SEMA5A: variants seen among roughly 807,000 people sequenced by gnomAD.
The protein encoded by SEMA5A is semaphorin-5A.
In SEMA5A, 55 loss-of-function variants were observed where a neutral mutation model predicts 135.5. The ratio of observed to expected loss-of-function variants is 0.41; its 90% confidence interval spans 0.33 to 0.51. The LOEUF (loss-of-function observed/expected upper bound fraction) is 0.51, where lower values mean the gene tolerates loss of function less well. SEMA5A is among the 20% of genes least tolerant of loss of function. The pLI is 0.37. For synonymous variants in SEMA5A, 580 were observed against 546.5 expected, an observed-to-expected ratio of 1.06 and a Z score of -0.85; for missense variants, 1,290 against 1,419.9, an observed-to-expected ratio of 0.91 and a Z score of 1.47.
chr5:9,304,370 A>C (rs891970402), intron 5 of SEMA5A, among the ~76,000 whole-genome samples: 1 of 152,138 alleles, frequency 6.6e-6, no homozygotes, highest in African/African-American at 2.4e-5. Context: ...CTATGAAAGA[A>C]CATATCCTTA....
At chr5:9,146,494 A>G (rs1314739389) in intron 12 of SEMA5A, among the ~76,000 whole-genome samples, 1 of 152,264 alleles carries the variant, frequency 6.6e-6, no homozygotes, top group African/African-American at 2.4e-5. Flanking sequence ...ATTGAAAATT[A>G]GAACACTGGT....
chr5:9,298,975 T>C (rs1235749672), intron 5 of SEMA5A, among the ~76,000 whole-genome samples: 1 of 152,222 alleles, frequency 6.6e-6, no homozygotes, highest in Non-Finnish European at 1.5e-5. Context: ...ATGGAGCTTT[T>C]AGGGGCATAA....
intron 16 of SEMA5A, among the ~76,000 whole-genome samples, chr5:9,089,764 T>C (rs1738931693): frequency 6.6e-6 from 1 of 152,188 alleles, no homozygotes; most frequent in Non-Finnish European, 1.5e-5. Flanking sequence ...TGATAATGTT[T>C]GTGGTAAGAT....
chr5:9,086,490 G>A (rs777885525), intron 16 of SEMA5A, among the ~76,000 whole-genome samples: 4 of 152,136 alleles, frequency 2.6e-5, no homozygotes, highest in Admixed American at 6.5e-5. Flanking sequence ...CTCTTCTCTT[G>A]TCTGCCGCCA....
rs1745873023 is a variant in SEMA5A, at chr5:9,204,039, C to T, written c.647-1799G>A. 6.6e-6 allele frequency among the ~76,000 whole-genome samples: 1 copy of T among 152,088 alleles called. No homozygotes were observed. The highest frequency in any genetic ancestry group is 2.4e-5 in the African/African-American group (1 of 41,400). ...TCCAAAACAGAATTACCTGATGAAG[C>T]AGGCCCCAAAAGCAAAGATACGGAA... On this transcript the variant is annotated intron_variant, in intron 8 of 22. Transcript: ENST00000382496. The surrounding 1 kb of genome is among the most constrained non-coding windows in gnomAD (Gnocchi z 6.4).
At chr5:9,235,799 A>G (rs1295499787) in intron 6 of SEMA5A, among the ~76,000 whole-genome samples, 1 of 152,210 alleles carries the variant, frequency 6.6e-6, no homozygotes, top group Non-Finnish European at 1.5e-5. Flanking sequence ...GAAGATAAAG[A>G]CAAGAAGAAA....
chr5:9,190,786 C>T (rs941134575), intron 10 of SEMA5A, among the ~76,000 whole-genome samples: 2 of 152,146 alleles, frequency 1.3e-5, no homozygotes, highest in African/African-American at 2.4e-5. Flanking sequence ...CCTTTCCCGT[C>T]GAGTTACTTG....
chr5:9,456,853 G>C lies in SEMA5A; in HGVS notation c.-174-19001C>G, dbSNP rs546832384. ...GAGGTGTTTAAATGACAACAGAGAG[G>C]CTGTCTTACCCAAGTAGAACAGGAT... On this transcript the variant is annotated intron_variant, in intron 1 of 22. Transcript: ENST00000382496. 2.6e-5 allele frequency among the ~76,000 whole-genome samples: 4 copies of C among 152,266 alleles called. No homozygotes were observed. In the South Asian group the frequency reaches 8.3e-4, roughly 32 times the overall value.
At chr5:9,537,697 C>T (rs569744870) in intron 1 of SEMA5A, among the ~76,000 whole-genome samples, 1 of 152,128 alleles carries the variant, frequency 6.6e-6, no homozygotes, top group African/African-American at 2.4e-5. Flanking sequence ...ATGACCCTGG[C>T]AAAAGGTCAA....
intron 5 of SEMA5A, among the ~76,000 whole-genome samples, chr5:9,269,048 C>CAAGA (rs1749832395): frequency 6.6e-6 from 1 of 152,092 alleles, no homozygotes; most frequent in Non-Finnish European, 1.5e-5. Context: ...GATCTATAGG[C>CAAGA]TGATAGAAAT....
rs565575279 is a variant in SEMA5A, at chr5:9,390,639, C to T, written c.-77-10616G>A. On this transcript the variant is annotated intron_variant, in intron 2 of 22. Coordinates refer to ENST00000382496, the MANE Select transcript of SEMA5A (RefSeq NM_003966.3). ...TCCAATGGATTAGACATGTCAATGC[C>T]GATACCTTTGAGTTAATTAGAGTTT... is the stretch of plus-strand genomic sequence containing the variant. Among the ~76,000 whole-genome samples the T allele has an allele frequency of 5.9e-5, 9 of 151,568 alleles. No homozygotes were observed. In the South Asian group the frequency reaches 1.3e-3, roughly 21 times the overall value.
At position 9,109,028 on chromosome 5, in the gene SEMA5A, A is replaced by ATTTTT. The variant is rs67762219; in HGVS notation, c.1926-746_1926-742dup. ...TCATGAGTCATATTATTTCTCTTCA[A>ATTTTT]TTTTTTTTTTTTTTTTTTTTTTTTT... On this transcript the variant is annotated intron_variant, in intron 15 of 22. Coordinates refer to ENST00000382496, the MANE Select transcript of SEMA5A (RefSeq NM_003966.3). Among the ~76,000 whole-genome samples the ATTTTT allele has an allele frequency of 3.4e-4, 31 of 92,444 alleles. 3 individuals carry two copies. Among genetic ancestry groups the ATTTTT allele is most frequent in the African/African-American group, 7.8e-4 (17 of 21,754 alleles). 60.6% of individuals were successfully genotyped at this position (92,444 alleles called of 152,430 possible). A position where few individuals can be genotyped will look rare whatever the true frequency, so the allele number is the denominator to read the frequency against.
At chr5:9,253,201 G>T (rs1442894293) in intron 5 of SEMA5A, among the ~76,000 whole-genome samples, 1 of 152,152 alleles carries the variant, frequency 6.6e-6, no homozygotes, top group Non-Finnish European at 1.5e-5. Flanking sequence ...TAACAGAGTT[G>T]TCTGCCTCAT....
intron 4 of SEMA5A, among the ~76,000 whole-genome samples, chr5:9,335,718 CT>C (rs977778310): frequency 6.6e-6 from 1 of 152,170 alleles, no homozygotes; most frequent in Non-Finnish European, 1.5e-5. Flanking sequence ...GGCTCATGCC[CT>C]TGCCAGATGT....
chr5:9,211,543 C>T (rs1806045), intron 8 of SEMA5A, among the ~76,000 whole-genome samples: 4,463 of 152,170 alleles, frequency 0.029, 234 homozygotes, highest in African/African-American at 0.1. Context: ...TCTCACTGTC[C>T]CCAGGTTGGA....
intron 5 of SEMA5A, among the ~76,000 whole-genome samples, chr5:9,308,958 T>C (rs1021264721): frequency 7.2e-5 from 11 of 152,140 alleles, no homozygotes; most frequent in Non-Finnish European, 1.5e-4. Flanking sequence ...ACAAATTAGG[T>C]CATTAAAGTT....
At chr5:9,077,565 C>G (rs1230553919) in intron 16 of SEMA5A, among the ~76,000 whole-genome samples, 2 of 152,212 alleles carry the variant, frequency 1.3e-5, no homozygotes, top group African/African-American at 4.8e-5. Context: ...CAGGTTTGCT[C>G]TAAGTAGCTA....
At chr5:9,180,074 GTGTTATCACA>G (rs1306323187) in intron 11 of SEMA5A, among the ~76,000 whole-genome samples, 1 of 152,132 alleles carries the variant, frequency 6.6e-6, no homozygotes, top group African/African-American at 2.4e-5. Flanking sequence ...ATCTCTGCCC[GTGTTATCACA>G]TGGCATTCTC....
intron 19 of SEMA5A, chr5:9,053,872 C>A (rs1037504680): frequency 2.1e-6 from 1 of 469,958 alleles, no homozygotes; most frequent in Non-Finnish European, 3.6e-6. Context: ...GGGCTAAAGG[C>A]TTTGAACACG....
Sources: allele counts gnomAD v4.1 joint callset (sites outside exome capture counted in the v4.1 genomes callset), GRCh38; gene constraint gnomAD v4.1.1; non-coding constraint Gnocchi (gnomAD v3.1); transcripts MANE v1.5; gene names NCBI Gene and HGNC (gene_info 2026-07-23, HGNC 2026-07-21).